The following ROBO1 variants were observed in gnomAD, a reference collection of about 807,000 sequenced individuals.
The protein encoded by ROBO1 is roundabout guidance receptor 1, also known as roundabout homolog 1.
ROBO1 carries 149 observed loss-of-function variants against 195.9 expected under a neutral mutation model. That is an observed-to-expected ratio of 0.76 (90% CI 0.67 to 0.87). The LOEUF (loss-of-function observed/expected upper bound fraction) is 0.87. Ranked by LOEUF, ROBO1 falls within the 40% of genes least tolerant of loss-of-function variation. The pLI, the probability that ROBO1 is intolerant of heterozygous loss-of-function variation, is 0.00. For synonymous variants in ROBO1, 816 were observed against 733.2 expected, an observed-to-expected ratio of 1.11 and a Z score of -1.82; for missense variants, 1,933 against 2,068.3, an observed-to-expected ratio of 0.93 and a Z score of 1.27.
chr3:79,159,942 A>C (rs549983387), intron 2 of ROBO1, among the ~76,000 whole-genome samples: 1 of 152,142 alleles, frequency 6.6e-6, no homozygotes, highest in South Asian at 2.1e-4. Context: ...GAGTGCATGC[A>C]AAGGCTAGAG....
chr3:78,694,366 A>C (rs2107881380), intron 8 of ROBO1, among the ~76,000 whole-genome samples: 1 of 152,336 alleles, frequency 6.6e-6, no homozygotes, highest in Non-Finnish European at 1.5e-5. Flanking sequence ...ACATTCCTAT[A>C]GTTTAAATAA....
In ROBO1 at chr3:79,617,119, G is replaced by A. The variant is rs1482032958; in HGVS notation, c.-50-27158C>T. On this transcript the variant is annotated intron_variant, in intron 1 of 30. Transcript: ENST00000464233. Reference sequence around the variant, plus strand: ...CACATTTCTACCTGCCTAGGACAAGGAACTAGTGTATCCCTCTCCCTACAC... The same window carrying A: ...CACATTTCTACCTGCCTAGGACAAGAAACTAGTGTATCCCTCTCCCTACAC... 2.0e-5 allele frequency among the ~76,000 whole-genome samples: 3 copies of A among 152,036 alleles called. No homozygotes were observed. The East Asian group carries it at 5.8e-4, about 30-fold the overall frequency.
intron 2 of ROBO1, among the ~76,000 whole-genome samples, chr3:79,550,364 A>G (rs1239142309): frequency 6.6e-6 from 1 of 152,150 alleles, no homozygotes; most frequent in Non-Finnish European, 1.5e-5. Flanking sequence ...CTGAAAGGCT[A>G]TCACTCTTAC....
chr3:78,833,328 G>C (rs1559903963), intron 4 of ROBO1, among the ~76,000 whole-genome samples: 1 of 152,132 alleles, frequency 6.6e-6, no homozygotes, highest in East Asian at 1.9e-4. Flanking sequence ...AAAAGTCAAG[G>C]ATTATTTCGT....
intron 10 of ROBO1, among the ~76,000 whole-genome samples, chr3:78,677,739 C>T (rs1708526386): frequency 6.6e-6 from 1 of 152,038 alleles, no homozygotes; most frequent in Admixed American, 6.6e-5. Context: ...ACTTTAACAC[C>T]CCACTGTCAA....
chr3:79,665,455 A>C (rs1384830958), intron 1 of ROBO1, among the ~76,000 whole-genome samples: 1 of 151,918 alleles, frequency 6.6e-6, no homozygotes. Flanking sequence ...TCATTTAGAT[A>C]TATTAGAAAA....
intron 4 of ROBO1, among the ~76,000 whole-genome samples, chr3:78,843,023 A>G (rs2033378594): frequency 6.6e-6 from 1 of 152,156 alleles, no homozygotes; most frequent in South Asian, 2.1e-4. Context: ...TATACAGCTC[A>G]ATACGATTGA....
At chr3:79,605,229 T>C (rs902283792) in intron 1 of ROBO1, among the ~76,000 whole-genome samples, 2 of 150,974 alleles carry the variant, frequency 1.3e-5, no homozygotes, top group African/African-American at 4.9e-5. Context: ...ACACTTTTTA[T>C]GATAGTTTCC....
intron 2 of ROBO1, among the ~76,000 whole-genome samples, chr3:79,312,084 A>G (rs2109097434): frequency 6.6e-6 from 1 of 152,318 alleles, no homozygotes; most frequent in Non-Finnish European, 1.5e-5. Flanking sequence ...TTGATTTGGA[A>G]AATGTAAATG....
At chr3:78,755,304 C>T (rs1045465217) in intron 4 of ROBO1, among the ~76,000 whole-genome samples, 4 of 151,922 alleles carry the variant, frequency 2.6e-5, no homozygotes, top group African/African-American at 9.7e-5. Flanking sequence ...ACTGTCTCTA[C>T]AAAAAACAAA....
chr3:79,375,596 A>T (rs1450295118), intron 2 of ROBO1, among the ~76,000 whole-genome samples: 1 of 152,200 alleles, frequency 6.6e-6, no homozygotes, highest in Non-Finnish European at 1.5e-5. Context: ...GCCCCAGCCA[A>T]GGTTGCATTT....
chr3:79,364,131 G>T (rs894632715), intron 2 of ROBO1, among the ~76,000 whole-genome samples: 4 of 151,818 alleles, frequency 2.6e-5, no homozygotes, highest in African/African-American at 9.7e-5. Flanking sequence ...GTGAACCCGG[G>T]AGGCGGAGCT....
At chr3:79,033,935 A>G (rs2078338923) in intron 3 of ROBO1, among the ~76,000 whole-genome samples, 1 of 152,112 alleles carries the variant, frequency 6.6e-6, no homozygotes, top group South Asian at 2.1e-4. Flanking sequence ...ACTAGTGTCT[A>G]TTACAAATCA....
chr3:79,621,496 C>T (rs1381631402), intron 1 of ROBO1, among the ~76,000 whole-genome samples: 1 of 152,108 alleles, frequency 6.6e-6, no homozygotes, highest in African/African-American at 2.4e-5. Flanking sequence ...AAGGAAAAAT[C>T]CTAAAAGCAT....
intron 1 of ROBO1, among the ~76,000 whole-genome samples, chr3:79,740,881 C>G (rs1381512679): frequency 6.6e-6 from 1 of 152,096 alleles, no homozygotes; most frequent in African/African-American, 2.4e-5. Flanking sequence ...ATAGTGATAT[C>G]TAAAAATTAT....
intron 28 of ROBO1, 110 bp downstream of exon 28, chr3:78,614,538 A>G: frequency 8.2e-7 from 1 of 1,223,078 alleles, no homozygotes; most frequent in South Asian, 1.8e-5. Flanking sequence ...CTGATTGTTA[A>G]TAAATTTTTA....
chr3:79,488,325 A>C (rs759333444), intron 2 of ROBO1, among the ~76,000 whole-genome samples: 1 of 152,154 alleles, frequency 6.6e-6, no homozygotes, highest in African/African-American at 2.4e-5. Flanking sequence ...TTTTTCTTCA[A>C]AATATCATCA....
intron 25 of ROBO1, among the ~76,000 whole-genome samples, chr3:78,629,109 C>T (rs111559048): frequency 3.3e-5 from 5 of 152,000 alleles, no homozygotes; most frequent in Non-Finnish European, 4.4e-5. Flanking sequence ...CGTTCCCTAC[C>T]GTGTGTTTCA....
chr3:78,834,478 A>G (rs1327947137), intron 4 of ROBO1, among the ~76,000 whole-genome samples: 3 of 150,338 alleles, frequency 2.0e-5, no homozygotes, highest in Non-Finnish European at 4.4e-5. Flanking sequence ...AGACAGCAAT[A>G]AAGTGAGCTT....
Sources: allele counts gnomAD v4.1 joint callset (sites outside exome capture counted in the v4.1 genomes callset), GRCh38; gene constraint gnomAD v4.1.1; transcripts MANE v1.5; gene names NCBI Gene and HGNC (gene_info 2026-07-23, HGNC 2026-07-21).